The following NHERF1 variants were observed in gnomAD, a reference collection of about 807,000 sequenced individuals.
NHERF1 encodes the protein NHERF family PDZ scaffold protein 1.
chr17:74,751,670 G>C, the NHERF1 span, among the ~76,000 whole-genome samples: 3 of 152,218 alleles, frequency 2.0e-5, no homozygotes, highest in Non-Finnish European at 2.9e-5. The surrounding 1 kb of genome is among the most constrained non-coding windows in gnomAD (Gnocchi z 4.3). Flanking sequence ...TTCCCCGCCT[G>C]CCCCGTGGGG....
chr17:74,767,861 C>T, the NHERF1 span: 1 of 492,650 alleles, frequency 2.0e-6, no homozygotes, highest in Non-Finnish European at 3.8e-6. Context: ...CTAAAAGCCA[C>T]ATTGGAGTGG....
chr17:74,762,859 C>T, the NHERF1 span, among the ~76,000 whole-genome samples: 6 of 152,186 alleles, frequency 3.9e-5, no homozygotes, highest in African/African-American at 9.6e-5. The surrounding 1 kb of genome is among the most constrained non-coding windows in gnomAD (Gnocchi z 4.2). Flanking sequence ...CACCCGGCCC[C>T]GAGTTAGGCT....
At chr17:74,756,459 A>T in the NHERF1 span, among the ~76,000 whole-genome samples, 1 of 150,930 alleles carries the variant, frequency 6.6e-6, no homozygotes, top group Admixed American at 6.6e-5. Flanking sequence ...TCATATTTTT[A>T]GTTGAGACAG....
the NHERF1 span, among the ~76,000 whole-genome samples, chr17:74,765,669 A>G: frequency 6.6e-6 from 1 of 151,160 alleles, no homozygotes; most frequent in African/African-American, 2.4e-5. Context: ...CTCCTGCCTC[A>G]GCCTCCTGAG....
At chr17:74,749,949 G>C in the NHERF1 span, among the ~76,000 whole-genome samples, 6 of 152,236 alleles carry the variant, frequency 3.9e-5, no homozygotes, top group Admixed American at 3.3e-4. This position sits in a 1 kb window ranked among gnomAD's most constrained non-coding sequence, Gnocchi z 5.6. Context: ...AGGCATCTCG[G>C]AGTGGTGGTT....
the NHERF1 span, among the ~76,000 whole-genome samples, chr17:74,755,970 T>A: frequency 6.6e-6 from 1 of 151,058 alleles, no homozygotes; most frequent in Non-Finnish European, 1.5e-5. Flanking sequence ...TTTTTTTTTT[T>A]GGAGGCAGAG....
the NHERF1 span, chr17:74,766,867 C>A: frequency 6.7e-7 from 1 of 1,501,430 alleles, no homozygotes; most frequent in Non-Finnish European, 9.3e-7. Context: ...CCAAACCCAA[C>A]TCCTACCTCC....
chr17:74,768,161 A>C, the NHERF1 span: 1 of 1,611,538 alleles, frequency 6.2e-7, no homozygotes, highest in Non-Finnish European at 8.5e-7. Context: ...ACAGTCGTGA[A>C]GCCCTGGCAG....
At chr17:74,768,087 C>G in the NHERF1 span, 2 of 1,159,088 alleles carry the variant, frequency 1.7e-6, no homozygotes, top group Non-Finnish European at 2.6e-6. Context: ...GAGCTCCCTC[C>G]CTCCTCAGGA....
the NHERF1 span, among the ~76,000 whole-genome samples, chr17:74,759,293 G>C: frequency 1.8e-4 from 27 of 152,360 alleles, no homozygotes; most frequent in African/African-American, 6.3e-4. Context: ...AGCCCCTCAG[G>C]CTGGGTACCC....
At chr17:74,751,702 C>G in the NHERF1 span, among the ~76,000 whole-genome samples, 1 of 152,222 alleles carries the variant, frequency 6.6e-6, no homozygotes, top group Non-Finnish European at 1.5e-5. This position sits in a 1 kb window ranked among gnomAD's most constrained non-coding sequence, Gnocchi z 4.3. Flanking sequence ...GCAAGACCCG[C>G]CCTGCTGTTC....
At chr17:74,748,858 C>T in the NHERF1 span, 1 of 1,593,324 alleles carries the variant, frequency 6.3e-7, no homozygotes, top group Admixed American at 1.7e-5. The surrounding 1 kb of genome is among the most constrained non-coding windows in gnomAD (Gnocchi z 4.3). Context: ...TGAGCGCGGA[C>T]GCAGCGGCCG....
the NHERF1 span, chr17:74,768,768 CCTTT>C: frequency 2.3e-6 from 2 of 860,970 alleles, no homozygotes; most frequent in Non-Finnish European, 3.7e-6. Context: ...ACCCACATCC[CCTTT>C]CTTGACAAAT....
At chr17:74,754,255 A>G in the NHERF1 span, among the ~76,000 whole-genome samples, 1 of 152,138 alleles carries the variant, frequency 6.6e-6, no homozygotes, top group Non-Finnish European at 1.5e-5. Context: ...CTAGACCCCA[A>G]TAACAAATGT....
the NHERF1 span, chr17:74,767,993 G>C: frequency 1.3e-6 from 1 of 753,734 alleles, no homozygotes; most frequent in African/African-American, 1.7e-5. Flanking sequence ...AGGAGCCCCA[G>C]CAGGCTCAGG....
chr17:74,755,535 G>C, the NHERF1 span, among the ~76,000 whole-genome samples: 6 of 152,222 alleles, frequency 3.9e-5, no homozygotes, highest in Non-Finnish European at 8.8e-5. Flanking sequence ...CTGAGGTCCA[G>C]GTCACCTCGG....
the NHERF1 span, among the ~76,000 whole-genome samples, chr17:74,760,224 G>T: frequency 6.6e-6 from 1 of 152,176 alleles, no homozygotes. The surrounding 1 kb of genome is among the most constrained non-coding windows in gnomAD (Gnocchi z 4.5). Flanking sequence ...GGAGTGCCGG[G>T]GGGTGAGCCT....
At chr17:74,767,400 G>A in the NHERF1 span, among the ~76,000 whole-genome samples, 1 of 152,214 alleles carries the variant, frequency 6.6e-6, no homozygotes, top group African/African-American at 2.4e-5. Context: ...GCCCGGGGAA[G>A]AGATGGTGGG....
At chr17:74,756,112 T>C in the NHERF1 span, among the ~76,000 whole-genome samples, 1 of 150,552 alleles carries the variant, frequency 6.6e-6, no homozygotes. Context: ...CAGCTGATTT[T>C]TGTATTTTTC....
Sources: allele counts gnomAD v4.1 joint callset (sites outside exome capture counted in the v4.1 genomes callset), GRCh38; gene constraint gnomAD v4.1.1; non-coding constraint Gnocchi (gnomAD v3.1); transcripts MANE v1.5; gene names NCBI Gene and HGNC (gene_info 2026-07-23, HGNC 2026-07-21).